The following CTPS2 variants were observed in gnomAD, a reference collection of about 807,000 sequenced individuals.
CTPS2 encodes the protein CTP synthase 2.
In CTPS2, 19 loss-of-function variants were observed where a neutral mutation model predicts 46.8. The ratio of observed to expected loss-of-function variants is 0.41; its 90% confidence interval spans 0.28 to 0.60. The LOEUF is 0.60. Among genes scored for constraint, CTPS2 ranks in the 20% least tolerant of loss-of-function variants. The pLI, the probability that CTPS2 is intolerant of heterozygous loss-of-function variation, is 0.35. For missense variants in CTPS2, 286 were observed against 447.6 expected, an observed-to-expected ratio of 0.64 and a Z score of 3.26; for synonymous variants, 151 against 165.2, an observed-to-expected ratio of 0.91 and a Z score of 0.66.
At chrX:16,659,066 G>A (rs1387814925) in intron 13 of CTPS2, among the ~76,000 whole-genome samples, 2 of 112,013 alleles carry the variant, frequency 1.8e-5, no homozygotes, top group South Asian at 3.7e-4. Flanking sequence ...CCCAACCAAC[G>A]TTAGTCTATG....
At chrX:16,689,998 G>A (rs1210018356) in intron 7 of CTPS2, among the ~76,000 whole-genome samples, 1 of 109,455 alleles carries the variant, frequency 9.1e-6, no homozygotes, top group Non-Finnish European at 1.9e-5. Flanking sequence ...GTTGCAGTGA[G>A]TCGAGATCGC....
intron 4 of CTPS2, among the ~76,000 whole-genome samples, chrX:16,696,738 C>T (rs1032497693): frequency 9.0e-6 from 1 of 110,740 alleles, no homozygotes; most frequent in Non-Finnish European, 1.9e-5. Flanking sequence ...TAGCCAGTAA[C>T]TTTATCAGTT....
chrX:16,667,962 G>A (rs1921336984), intron 11 of CTPS2, among the ~76,000 whole-genome samples: 1 of 108,909 alleles, frequency 9.2e-6, no homozygotes. Context: ...GGAACATGAG[G>A]TCAGAAAAGT....
At chrX:16,707,999 AAGAG>A (rs200341208) in intron 1 of CTPS2, among the ~76,000 whole-genome samples, 7 of 110,117 alleles carry the variant, frequency 6.4e-5, no homozygotes, top group African/African-American at 2.3e-4. Flanking sequence ...AAAAAATAAA[AAGAG>A]AGAGAGAGAG....
intron 14 of CTPS2, among the ~76,000 whole-genome samples, chrX:16,623,168 T>C (rs1209296890): frequency 9.0e-6 from 1 of 111,678 alleles, no homozygotes; most frequent in Non-Finnish European, 1.9e-5. Flanking sequence ...AGGGGGTACA[T>C]GAGATGTTTT....
chrX:16,687,194 CAT>C (rs1304074444), intron 8 of CTPS2, among the ~76,000 whole-genome samples: 1 of 111,135 alleles, frequency 9.0e-6, no homozygotes, highest in African/African-American at 3.3e-5. Context: ...AAAGACCAAA[CAT>C]GTGGCTTTAA....
intron 1 of CTPS2, among the ~76,000 whole-genome samples, chrX:16,709,945 T>C (rs1369800984): frequency 9.2e-6 from 1 of 108,600 alleles, no homozygotes; most frequent in Non-Finnish European, 1.9e-5. Flanking sequence ...TTAGGTTGTA[T>C]GTGTTGGGGC....
intron 17 of CTPS2, among the ~76,000 whole-genome samples, chrX:16,595,440 A>G (rs774502996): frequency 8.1e-5 from 9 of 110,812 alleles, no homozygotes; most frequent in Non-Finnish European, 1.5e-4. Context: ...CTGAGTAACT[A>G]GGATTACAGA....
intron 13 of CTPS2, among the ~76,000 whole-genome samples, chrX:16,646,430 A>G (rs917454824): frequency 8.9e-6 from 1 of 112,470 alleles, no homozygotes; most frequent in Non-Finnish European, 1.9e-5. Flanking sequence ...CATAGTAAAG[A>G]TACGCACTCA....
chrX:16,622,146 T>G (rs1056854690), intron 14 of CTPS2, among the ~76,000 whole-genome samples: 3 of 110,828 alleles, frequency 2.7e-5, no homozygotes, highest in African/African-American at 9.9e-5. Flanking sequence ...GGCTCACACC[T>G]GTAATCCCAG....
chrX:16,658,611 C>T (rs995295566), intron 13 of CTPS2, among the ~76,000 whole-genome samples: 2 of 112,305 alleles, frequency 1.8e-5, no homozygotes, highest in Non-Finnish European at 3.8e-5. Flanking sequence ...GTCAAACAGA[C>T]CACCTAACTG....
chrX:16,701,553 C>T (rs1416076380), intron 2 of CTPS2, among the ~76,000 whole-genome samples: 5 of 108,873 alleles, frequency 4.6e-5, no homozygotes, highest in Admixed American at 9.8e-5. Context: ...GAGTGAGACC[C>T]TGTCTCAAAA....
chrX:16,671,954 G>T (rs918460269), intron 10 of CTPS2, among the ~76,000 whole-genome samples: 1 of 111,117 alleles, frequency 9.0e-6, no homozygotes, highest in African/African-American at 3.3e-5. Flanking sequence ...ATGGGATTGG[G>T]TTAGAGGCCC....
At chrX:16,702,211 C>T (rs893696811) in intron 2 of CTPS2, among the ~76,000 whole-genome samples, 3 of 110,216 alleles carry the variant, frequency 2.7e-5, no homozygotes, top group Non-Finnish European at 5.7e-5. Context: ...CGTGCCACCA[C>T]GCCCAGCTAA....
chrX:16,645,430 C>T (rs1372815894), intron 13 of CTPS2, among the ~76,000 whole-genome samples: 3 of 110,721 alleles, frequency 2.7e-5, no homozygotes, highest in Non-Finnish European at 5.7e-5. Context: ...CTTCAGCAGA[C>T]GGGAAGGGAG....
At chrX:16,654,832 G>T (rs1932779588) in intron 13 of CTPS2, among the ~76,000 whole-genome samples, 1 of 110,050 alleles carries the variant, frequency 9.1e-6, no homozygotes, top group African/African-American at 3.3e-5. Context: ...GTTGCAGTGA[G>T]ACATGATCAC....
chrX:16,687,758 G>A (rs1469121448), intron 8 of CTPS2, among the ~76,000 whole-genome samples: 5 of 110,912 alleles, frequency 4.5e-5, no homozygotes, highest in African/African-American at 1.3e-4. Context: ...GTAAATGAAA[G>A]AGCAAGAGAG....
intron 9 of CTPS2, among the ~76,000 whole-genome samples, chrX:16,682,164 A>G (rs1787460542): frequency 8.9e-6 from 1 of 112,479 alleles, no homozygotes; most frequent in African/African-American, 3.2e-5. Flanking sequence ...TACTTTCAGA[A>G]ATGTGCCTTA....
At chrX:16,680,015 T>C (rs1922606277) in intron 9 of CTPS2, among the ~76,000 whole-genome samples, 1 of 110,298 alleles carries the variant, frequency 9.1e-6, no homozygotes, top group South Asian at 4.0e-4. Context: ...ATCACTCTGG[T>C]AGAGTGTGGC....
Sources: gnomAD v4.1 joint callset for allele counts (sites outside exome capture counted in the v4.1 genomes callset) on GRCh38, gnomAD v4.1.1 for gene constraint, MANE v1.5 for transcripts, NCBI Gene and HGNC (gene_info 2026-07-23, HGNC 2026-07-21) for gene names.